UNC5C: variants seen among roughly 807,000 people sequenced by gnomAD.
UNC5C encodes netrin receptor UNC5C.
In UNC5C, 47 loss-of-function variants were observed where a neutral mutation model predicts 99.8. That is an observed-to-expected ratio of 0.47 (90% CI 0.37 to 0.60). The LOEUF is 0.60. UNC5C is among the 20% of genes least tolerant of loss of function. The probability of loss-of-function intolerance (pLI) is 0.00; values close to 1 mark genes in which losing one functional copy is unlikely to be tolerated. For synonymous variants in UNC5C, 487 were observed against 452.2 expected (o/e 1.08, Z -0.98); for missense variants, 1,062 against 1,165.9 (o/e 0.91, Z 1.30).
chr4:95,319,784 G>T (rs1250025930), intron 2 of UNC5C, among the ~76,000 whole-genome samples: 1 of 152,096 alleles, frequency 6.6e-6, no homozygotes, highest in Non-Finnish European at 1.5e-5. Context: ...GTTCTCTGTT[G>T]TGTTTTCAAA....
At chr4:95,185,224 C>T in intron 12 of UNC5C, 28 bp from the exon 13 acceptor site, 1 of 1,579,536 alleles carries the variant, frequency 6.3e-7, no homozygotes, top group Non-Finnish European at 8.6e-7. Flanking sequence ...AAACCCAAAG[C>T]ACGTTATTGA....
Position 95,227,139 on chromosome 4 carries a change from G to GT in UNC5C, c.1109-6964dup, listed in dbSNP as rs11366627. Among the ~76,000 whole-genome samples, 558 of 144,818 alleles carry GT rather than the reference G, an allele frequency of 3.9e-3. 1 individual carries two copies. The highest frequency in any genetic ancestry group is 5.3e-3 in the Non-Finnish European group (346 of 65,632). ...TAACCTATATCCACTTTAAAACAAT[G>GT]TTTTTTTTTTTTTTTAAATATTTAT... On this transcript the variant is annotated intron_variant, in intron 7 of 15. Coordinates refer to ENST00000453304, the MANE Select transcript of UNC5C (RefSeq NM_003728.4).
At chr4:95,442,726 CTAATA>C (rs1052841000) in intron 1 of UNC5C, among the ~76,000 whole-genome samples, 2 of 151,984 alleles carry the variant, frequency 1.3e-5, no homozygotes, top group Non-Finnish European at 2.9e-5. Context: ...CAAATGTAGC[CTAATA>C]TAATAATGCG....
At chr4:95,258,269 T>A (rs1740079358) in intron 4 of UNC5C, among the ~76,000 whole-genome samples, 2 of 152,236 alleles carry the variant, frequency 1.3e-5, no homozygotes, top group East Asian at 3.8e-4. Flanking sequence ...GAGTCAGTAC[T>A]CTGGTCTGGC....
intron 5 of UNC5C, among the ~76,000 whole-genome samples, chr4:95,249,764 A>G (rs1310526195): frequency 2.0e-5 from 3 of 152,196 alleles, no homozygotes; most frequent in Admixed American, 6.5e-5. Context: ...GAATCTTCCT[A>G]AGAAGTTGCT....
In UNC5C at chr4:95,433,728, A is replaced by G. The variant is rs149123091; in HGVS notation, c.125-98097T>C. Among the ~76,000 whole-genome samples, 25 of 152,242 alleles carry G rather than the reference A, an allele frequency of 1.6e-4. No homozygotes were observed. The East Asian group carries it at 4.8e-3, about 29-fold the overall frequency. On this transcript the variant is annotated intron_variant, in intron 1 of 15. Transcript: ENST00000453304. Reference sequence around the variant, plus strand: ...AATAGAATTCACAAATATTAAGTTTACATTCACTGAGTTTTGACAAATGCA... The same window carrying G: ...AATAGAATTCACAAATATTAAGTTTGCATTCACTGAGTTTTGACAAATGCA...
intron 1 of UNC5C, among the ~76,000 whole-genome samples, chr4:95,345,636 T>C (rs1391640150): frequency 6.6e-6 from 1 of 151,926 alleles, no homozygotes; most frequent in African/African-American, 2.4e-5. Context: ...AATTAAAAAA[T>C]TGAAATTATA....
chr4:95,480,213 G>A (rs1018696383), intron 1 of UNC5C, among the ~76,000 whole-genome samples: 6 of 148,970 alleles, frequency 4.0e-5, no homozygotes, highest in Non-Finnish European at 8.9e-5. Flanking sequence ...GTATACACAA[G>A]TATACATGTA....
intron 1 of UNC5C, among the ~76,000 whole-genome samples, chr4:95,496,267 A>C (rs1721629269): frequency 6.6e-6 from 1 of 151,818 alleles, no homozygotes; most frequent in African/African-American, 2.4e-5. Context: ...GGATTTAACC[A>C]AAAATGTCTA....
chr4:95,224,475 A>T (rs1738598917), intron 7 of UNC5C, among the ~76,000 whole-genome samples: 1 of 152,236 alleles, frequency 6.6e-6, no homozygotes, highest in Admixed American at 6.5e-5. Flanking sequence ...AATAGAGAAT[A>T]TAACTTCGTA....
Position 95,166,155 on chromosome 4 carries a change from C to T in UNC5C, c.*3079G>A, listed in dbSNP as rs770570227. 4 of 152,054 alleles carry T rather than the reference C, an allele frequency of 2.6e-5. No homozygotes were observed. Among genetic ancestry groups the T allele is most frequent in the Non-Finnish European group, 4.4e-5 (3 of 68,006 alleles). 9.4% of individuals were successfully genotyped at this position (152,054 alleles called of 1,614,324 possible). On this transcript the variant is annotated 3_prime_UTR_variant, in exon 16 of 16. Coordinates refer to ENST00000453304, the MANE Select transcript of UNC5C (RefSeq NM_003728.4). ...TGCACAAATGATAGTTTTTTCTATC[C>T]AAATGAAACCAGCCAAACTGCCTCT...
At chr4:95,512,911 T>C (rs1468795285) in intron 1 of UNC5C, among the ~76,000 whole-genome samples, 1 of 152,176 alleles carries the variant, frequency 6.6e-6, no homozygotes, top group African/African-American at 2.4e-5. Flanking sequence ...AGTAAATATT[T>C]TTAAGGACAC....
intron 4 of UNC5C, among the ~76,000 whole-genome samples, chr4:95,262,743 T>C (rs1475566337): frequency 6.6e-6 from 1 of 152,140 alleles, no homozygotes; most frequent in Non-Finnish European, 1.5e-5. Context: ...TTTATTCTAT[T>C]AGAGTAAAAA....
At position 95,169,133 on chromosome 4, in the gene UNC5C, G is replaced by C; in HGVS notation, c.*101C>G. ...CCTGCTGCAGTCTTGCCTGTGAAGT[G>C]CATTGGTCTCATCTGGATTTCCTCC... is the stretch of plus-strand genomic sequence containing the variant. On this transcript the variant is annotated 3_prime_UTR_variant, in exon 16 of 16. Transcript: ENST00000453304. 1 of 1,458,806 alleles carries C rather than the reference G, an allele frequency of 6.9e-7. No individual in the cohort carries two copies. Among genetic ancestry groups the C allele is most frequent in the Non-Finnish European group, 9.4e-7 (1 of 1,059,956 alleles). The allele number at this position is 1,458,806 out of a possible 1,614,324, so 90.4% of individuals were successfully genotyped here. A position where few individuals can be genotyped will look rare whatever the true frequency, so the allele number is the denominator to read the frequency against.
At chr4:95,256,065 A>G (rs891403053) in intron 4 of UNC5C, among the ~76,000 whole-genome samples, 1 of 152,050 alleles carries the variant, frequency 6.6e-6, no homozygotes, top group African/African-American at 2.4e-5. Context: ...TCTGGACAGC[A>G]CACTTTCCTG....
chr4:95,530,624 A>G (rs918069107), intron 1 of UNC5C, among the ~76,000 whole-genome samples: 2 of 152,232 alleles, frequency 1.3e-5, no homozygotes, highest in Admixed American at 6.5e-5. Context: ...GCACTATCAA[A>G]ATAACAACGC....
At chr4:95,546,059 G>T (rs1335778645) in intron 1 of UNC5C, among the ~76,000 whole-genome samples, 1 of 152,176 alleles carries the variant, frequency 6.6e-6, no homozygotes, top group Admixed American at 6.5e-5. Context: ...GATTATCTCT[G>T]AAGATATATA....
At chr4:95,276,267 C>G (rs2149393269) in intron 4 of UNC5C, among the ~76,000 whole-genome samples, 1 of 152,280 alleles carries the variant, frequency 6.6e-6, no homozygotes, top group South Asian at 2.1e-4. Flanking sequence ...TGTTTGATCT[C>G]TCTTCTGACT....
intron 2 of UNC5C, among the ~76,000 whole-genome samples, chr4:95,327,260 C>T (rs759259835): frequency 5.1e-4 from 78 of 152,144 alleles, no homozygotes; most frequent in Non-Finnish European, 8.1e-4. Flanking sequence ...CACAGGAAAG[C>T]AAAAAGCTTT....
Sources: gnomAD v4.1 joint callset for allele counts (sites outside exome capture counted in the v4.1 genomes callset) on GRCh38, gnomAD v4.1.1 for gene constraint, MANE v1.5 for transcripts, NCBI Gene and HGNC (gene_info 2026-07-23, HGNC 2026-07-21) for gene names.